The following MCF2L2 variants were observed in gnomAD, a reference collection of about 807,000 sequenced individuals.
MCF2L2 encodes MCF.2 cell line derived transforming sequence-like 2.
A neutral mutation model predicts 150.2 loss-of-function variants in MCF2L2; 102 were observed. The observed-to-expected ratio is 0.68, with a 90% CI of 0.58 to 0.80. The LOEUF is 0.80. MCF2L2 is among the 30% of genes least tolerant of loss of function. The probability of loss-of-function intolerance (pLI) is 0.00; values close to 1 mark genes in which losing one functional copy is unlikely to be tolerated. For missense variants in MCF2L2, 1,256 were observed against 1,372.8 expected, an observed-to-expected ratio of 0.91 and a Z score of 1.34; for synonymous variants, 465 against 491.3, an observed-to-expected ratio of 0.95 and a Z score of 0.71.
intron 12 of MCF2L2, among the ~76,000 whole-genome samples, chr3:183,295,829 G>T (rs1269087753): frequency 6.6e-6 from 1 of 152,102 alleles, no homozygotes; most frequent in Admixed American, 6.5e-5. Flanking sequence ...GTGGTGGCTG[G>T]CACCTGTCAT....
chr3:183,270,639 A>C lies in MCF2L2; in HGVS notation c.1862+6233T>G. 6.2e-7 allele frequency: 1 copy of C among 1,614,226 alleles called. No individual in the cohort carries two copies. The highest frequency in any genetic ancestry group is 8.5e-7 in the Non-Finnish European group (1 of 1,180,044). ...ACAGACACTAAATTCAAGTCTTTACATAGACGATGTGTTCATGGGCCTCTG... is the reference window on the plus strand; with the variant it reads ...ACAGACACTAAATTCAAGTCTTTACCTAGACGATGTGTTCATGGGCCTCTG... On this transcript the variant is annotated intron_variant, in intron 15 of 29. Transcript: ENST00000328913. This position sits in a 1 kb window ranked among gnomAD's most constrained non-coding sequence, Gnocchi z 4.5.
At chr3:183,182,460 T>G (rs1434818230) in intron 27 of MCF2L2, 2 of 152,190 alleles carry the variant, frequency 1.3e-5, no homozygotes, top group African/African-American at 4.8e-5. Context: ...AGAAACACAT[T>G]TATACAATTC....
intron 14 of MCF2L2, among the ~76,000 whole-genome samples, chr3:183,285,266 C>T (rs1727722130): frequency 6.6e-6 from 1 of 152,176 alleles, no homozygotes; most frequent in Non-Finnish European, 1.5e-5. Flanking sequence ...TAATCAGCCA[C>T]CTGTGAAATT....
intron 5 of MCF2L2, among the ~76,000 whole-genome samples, chr3:183,324,977 T>C (rs915177739): frequency 4.0e-5 from 6 of 151,302 alleles, no homozygotes; most frequent in Non-Finnish European, 7.4e-5. Flanking sequence ...TGTAGGGACA[T>C]GGATGAAACT....
chr3:183,412,420 G>A (rs1047953833), intron 1 of MCF2L2, among the ~76,000 whole-genome samples: 10 of 152,014 alleles, frequency 6.6e-5, no homozygotes, highest in Non-Finnish European at 1.0e-4. Context: ...TCAGCCTCCC[G>A]AGTAGCTGGG....
chr3:183,186,738 GTGGAGATGGGGTCT>G (rs1721708554), intron 27 of MCF2L2, among the ~76,000 whole-genome samples: 1 of 152,170 alleles, frequency 6.6e-6, no homozygotes, highest in Admixed American at 6.6e-5. Context: ...AAAAGTTTTT[GTGGAGATGGGGTCT>G]TGCGATATTG....
chr3:183,243,344 G>T (rs1373124790), intron 15 of MCF2L2, among the ~76,000 whole-genome samples: 1 of 152,100 alleles, frequency 6.6e-6, no homozygotes, highest in African/African-American at 2.4e-5. Flanking sequence ...TAAGTTGCAG[G>T]GTCCCATTCT....
intron 15 of MCF2L2, among the ~76,000 whole-genome samples, chr3:183,252,952 G>C (rs935183909): frequency 1.3e-5 from 2 of 152,180 alleles, no homozygotes; most frequent in African/African-American, 4.8e-5. Flanking sequence ...ATATTGTCTG[G>C]TTACCTGCAT....
chr3:183,213,743 C>T (rs149663547), intron 22 of MCF2L2, among the ~76,000 whole-genome samples: 4 of 152,236 alleles, frequency 2.6e-5, no homozygotes, highest in African/African-American at 9.6e-5. Context: ...AGGTGACAGC[C>T]ATGTAATCTT....
At chr3:183,314,571 C>T (rs1729519133) in intron 7 of MCF2L2, among the ~76,000 whole-genome samples, 1 of 151,952 alleles carries the variant, frequency 6.6e-6, no homozygotes, top group East Asian at 1.9e-4. Flanking sequence ...TCTCAAAAAT[C>T]CCAGGAGAAA....
At chr3:183,261,163 A>G (rs188904753) in intron 15 of MCF2L2, among the ~76,000 whole-genome samples, 74 of 152,374 alleles carry the variant, frequency 4.9e-4, no homozygotes, top group Admixed American at 5.2e-4. Context: ...TATATTTCTT[A>G]ACACCGATTA....
intron 1 of MCF2L2, among the ~76,000 whole-genome samples, chr3:183,396,298 G>A (rs911543582): frequency 6.6e-6 from 1 of 152,164 alleles, no homozygotes; most frequent in Non-Finnish European, 1.5e-5. Context: ...TCAGAGTGCA[G>A]GGAGGATTTG....
rs1226525456 is a variant in MCF2L2, at chr3:183,351,229, TATATA to T, written c.276-9604_276-9600del. 6.0e-3 allele frequency among the ~76,000 whole-genome samples: 565 copies of T among 93,928 alleles called. 10 individuals carry two copies. Among genetic ancestry groups the T allele is most frequent in the African/African-American group, 0.024 (438 of 17,990 alleles). The allele number at this position is 93,928 out of a possible 152,430, so 61.6% of individuals were successfully genotyped here. ...ATATATATATATATATATATATATA[TATATA>T]TATTTATTTATTTATTTATCAGAAC... On this transcript the variant is annotated intron_variant, in intron 3 of 29. Coordinates refer to ENST00000328913, the MANE Select transcript of MCF2L2 (RefSeq NM_015078.4).
chr3:183,289,336 C>G (rs76222713), intron 13 of MCF2L2, 116 bp from the exon 14 acceptor site: 10,693 of 665,918 alleles, frequency 0.016, 186 homozygotes, highest in African/African-American at 0.042. Flanking sequence ...TAAAAGCTCA[C>G]TTGAGCTGCT....
chr3:183,368,534 C>A (rs914755151), intron 3 of MCF2L2, among the ~76,000 whole-genome samples: 3 of 152,064 alleles, frequency 2.0e-5, no homozygotes, highest in African/African-American at 7.2e-5. Flanking sequence ...GAGGCCGAGG[C>A]GGGCAAATCA....
chr3:183,356,993 A>G (rs1711826311), intron 3 of MCF2L2, among the ~76,000 whole-genome samples: 1 of 152,228 alleles, frequency 6.6e-6, no homozygotes, highest in African/African-American at 2.4e-5. Context: ...AAATGTATAG[A>G]AGAGTTTTTG....
At chr3:183,238,585 G>A (rs1456515005) in intron 15 of MCF2L2, among the ~76,000 whole-genome samples, 3 of 151,142 alleles carry the variant, frequency 2.0e-5, no homozygotes, top group Admixed American at 6.6e-5. Flanking sequence ...GAGCCACCTC[G>A]CCTGGCCAGT....
chr3:183,193,558 C>T (rs1428858712), intron 26 of MCF2L2, among the ~76,000 whole-genome samples: 1 of 152,126 alleles, frequency 6.6e-6, no homozygotes, highest in South Asian at 2.1e-4. Context: ...ACCATGTTGG[C>T]CAGGATGGTC....
At chr3:183,300,549 G>C (rs1022349554) in intron 10 of MCF2L2, among the ~76,000 whole-genome samples, 2 of 152,062 alleles carry the variant, frequency 1.3e-5, no homozygotes, top group Non-Finnish European at 2.9e-5. Flanking sequence ...ATAAACTCTA[G>C]GGCAGAAAAG....
Sources: gnomAD v4.1 joint callset for allele counts (sites outside exome capture counted in the v4.1 genomes callset) on GRCh38, gnomAD v4.1.1 for gene constraint, Gnocchi (gnomAD v3.1) non-coding constraint, MANE v1.5 for transcripts, NCBI Gene and HGNC (gene_info 2026-07-23, HGNC 2026-07-21) for gene names.